Variants in RGS17 observed in about 807,000 individuals in gnomAD.
RGS17 encodes regulator of G-protein signaling 17.
Under a neutral mutation model 25.5 loss-of-function variants are expected in RGS17, and 12 were observed. The ratio of observed to expected loss-of-function variants is 0.47; its 90% CI spans 0.30 to 0.76. RGS17 has a LOEUF of 0.76. Among genes scored for constraint, RGS17 ranks in the 30% least tolerant of loss-of-function variants. The pLI is 0.07. For synonymous variants in RGS17, 71 were observed against 76.9 expected (o/e 0.92, Z 0.40); for missense variants, 196 against 242.2 (o/e 0.81, Z 1.27).
At chr6:153,049,006 C>T (rs1345861934) in intron 1 of RGS17, among the ~76,000 whole-genome samples, 1 of 151,688 alleles carries the variant, frequency 6.6e-6, no homozygotes, top group Non-Finnish European at 1.5e-5. Flanking sequence ...TTCCTATTAA[C>T]GATAAGAAGA....
At chr6:153,066,768 G>A (rs780550004) in intron 1 of RGS17, among the ~76,000 whole-genome samples, 76 of 152,044 alleles carry the variant, frequency 5.0e-4, no homozygotes, top group Admixed American at 1.4e-3. Context: ...TCAGCTGGGC[G>A]CGGTGGCTCA....
chr6:153,123,463 T>C (rs1777666067), intron 1 of RGS17, among the ~76,000 whole-genome samples: 1 of 152,152 alleles, frequency 6.6e-6, no homozygotes, highest in Non-Finnish European at 1.5e-5. Context: ...CATCACATAT[T>C]TCTAGAACGG....
chr6:153,020,136 ATATTTTTTTTTTTTTTTTT>A (rs1779232168), intron 4 of RGS17, among the ~76,000 whole-genome samples: 2 of 54,886 alleles, frequency 3.6e-5, no homozygotes, highest in African/African-American at 8.1e-5. Flanking sequence ...ATATATATAT[ATATTTTTTTTTTTTTTTTT>A]TTTTTTTTTT....
chr6:153,089,694 T>C (rs996730782), intron 1 of RGS17, among the ~76,000 whole-genome samples: 1 of 152,276 alleles, frequency 6.6e-6, no homozygotes, highest in African/African-American at 2.4e-5. Context: ...CACTGCATAT[T>C]TTATAAGCTG....
intron 4 of RGS17, among the ~76,000 whole-genome samples, chr6:153,020,139 T>TATATATA (rs1491540636): frequency 3.1e-4 from 7 of 22,528 alleles, no homozygotes; most frequent in Middle Eastern, 0.045. Flanking sequence ...TATATATATA[T>TATATATA]TTTTTTTTTT....
At chr6:153,053,943 AATATATATAC>A (rs1776499208) in intron 1 of RGS17, among the ~76,000 whole-genome samples, 1 of 45,878 alleles carries the variant, frequency 2.2e-5, no homozygotes, top group Non-Finnish European at 3.5e-5. Context: ...ATGTATATAT[AATATATATAC>A]ATATATATTA....
intron 1 of RGS17, among the ~76,000 whole-genome samples, chr6:153,072,018 TAA>T (rs1776811791): frequency 2.0e-5 from 3 of 152,170 alleles, no homozygotes; most frequent in African/African-American, 7.2e-5. Flanking sequence ...CAATTGATGT[TAA>T]GTCTCCTTAT....
intron 1 of RGS17, among the ~76,000 whole-genome samples, chr6:153,046,997 A>G (rs571990332): frequency 6.6e-6 from 1 of 152,334 alleles, no homozygotes; most frequent in African/African-American, 2.4e-5. Context: ...AATTACCCAC[A>G]CACAAGTAAT....
intron 2 of RGS17, among the ~76,000 whole-genome samples, chr6:153,039,816 A>G (rs1474858219): frequency 1.3e-5 from 2 of 152,290 alleles, no homozygotes; most frequent in East Asian, 3.9e-4. Flanking sequence ...TATATGTGTT[A>G]TCTCACATGT....
chr6:153,090,503 C>G (rs1270509323), intron 1 of RGS17, among the ~76,000 whole-genome samples: 2 of 150,930 alleles, frequency 1.3e-5, no homozygotes, highest in African/African-American at 4.9e-5. Flanking sequence ...CCTGTAGTTC[C>G]AGCTACTCAG....
chr6:153,046,537 C>A (rs1280279572), intron 1 of RGS17, among the ~76,000 whole-genome samples: 1 of 151,504 alleles, frequency 6.6e-6, no homozygotes, highest in Admixed American at 6.6e-5. Flanking sequence ...AATTATAAAA[C>A]AAAAATTGGC....
intron 2 of RGS17, among the ~76,000 whole-genome samples, chr6:153,038,650 G>A (rs1217932664): frequency 2.0e-5 from 3 of 152,232 alleles, no homozygotes; most frequent in South Asian, 4.1e-4. Context: ...CACCTTGCCT[G>A]TGTGAGGAGT....
At position 153,010,338 on chromosome 6, in the gene RGS17, A is replaced by T. The variant is rs1779116951; in HGVS notation, c.*1236T>A. The T allele has an allele frequency of 6.6e-6, 1 of 152,030 alleles. No individual in the cohort carries two copies. Among genetic ancestry groups the T allele is most frequent in the Non-Finnish European group, 1.5e-5 (1 of 67,882 alleles). 9.4% of individuals were successfully genotyped at this position (152,030 alleles called of 1,614,324 possible). A position where few individuals can be genotyped will look rare whatever the true frequency, so the allele number is the denominator to read the frequency against. On this transcript the variant is annotated 3_prime_UTR_variant, in exon 5 of 5. Transcript: ENST00000206262. The stretch of plus-strand genomic sequence containing the variant: ...GGCAAGTGTTTTGTCGTAAAGATTT[A>T]GTGTACTTATAAAAAATAATATGGC...
intron 2 of RGS17, among the ~76,000 whole-genome samples, chr6:153,039,262 A>G (rs1776291425): frequency 6.6e-6 from 1 of 152,220 alleles, no homozygotes; most frequent in East Asian, 1.9e-4. Flanking sequence ...GCAAGCCATC[A>G]GTTTCCTTAC....
intron 1 of RGS17, among the ~76,000 whole-genome samples, chr6:153,055,566 T>TG (rs976336367): frequency 6.6e-6 from 1 of 151,946 alleles, no homozygotes; most frequent in African/African-American, 2.4e-5. Flanking sequence ...GACTTCAGAT[T>TG]TTTTTTTGAG....
At chr6:153,066,624 A>T (rs1776711257) in intron 1 of RGS17, among the ~76,000 whole-genome samples, 1 of 152,198 alleles carries the variant, frequency 6.6e-6, no homozygotes, top group South Asian at 2.1e-4. Flanking sequence ...AAATTCAACA[A>T]TACATTAAAA....
At chr6:153,117,452 C>T (rs1481343850) in intron 1 of RGS17, among the ~76,000 whole-genome samples, 2 of 152,178 alleles carry the variant, frequency 1.3e-5, no homozygotes, top group East Asian at 3.9e-4. Flanking sequence ...ATATCAGGCA[C>T]TATCAAACAA....
At chr6:153,051,068 C>A (rs1054684345) in intron 1 of RGS17, among the ~76,000 whole-genome samples, 2 of 152,214 alleles carry the variant, frequency 1.3e-5, no homozygotes, top group African/African-American at 2.4e-5. Flanking sequence ...ACCAAATAGG[C>A]AATCACCTTG....
At chr6:153,050,528 G>T (rs1776447547) in intron 1 of RGS17, among the ~76,000 whole-genome samples, 1 of 152,052 alleles carries the variant, frequency 6.6e-6, no homozygotes, top group Admixed American at 6.5e-5. Flanking sequence ...GGATAAAAAA[G>T]TATTCCACAT....
Sources: allele counts gnomAD v4.1 joint callset (sites outside exome capture counted in the v4.1 genomes callset), GRCh38; gene constraint gnomAD v4.1.1; transcripts MANE v1.5; gene names NCBI Gene and HGNC (gene_info 2026-07-23, HGNC 2026-07-21).